Variants in OCA2 observed in about 807,000 individuals in gnomAD.
OCA2 encodes the protein OCA2 melanosomal transmembrane protein, also known as P protein.
A neutral mutation model predicts 100.2 loss-of-function variants in OCA2; 77 were observed. That is an observed-to-expected ratio of 0.77 (90% CI 0.64 to 0.93). OCA2 has a LOEUF of 0.93. Ranked by LOEUF, OCA2 falls within the 40% of genes least tolerant of loss-of-function variation. The pLI is 0.00. For synonymous variants in OCA2, 432 were observed against 439.2 expected, an observed-to-expected ratio of 0.98 and a Z score of 0.21; for missense variants, 1,062 against 1,089.1, an observed-to-expected ratio of 0.98 and a Z score of 0.35.
chr15:27,954,876 G>A (rs540107729), intron 17 of OCA2, among the ~76,000 whole-genome samples: 1 of 152,314 alleles, frequency 6.6e-6, no homozygotes, highest in African/African-American at 2.4e-5. Flanking sequence ...GGAGCGGGCT[G>A]GTGGTCAGGG....
At chr15:27,987,808 C>T (rs1303797154) in intron 11 of OCA2, among the ~76,000 whole-genome samples, 1 of 152,094 alleles carries the variant, frequency 6.6e-6, no homozygotes, top group Non-Finnish European at 1.5e-5. Flanking sequence ...TGTGAATGTT[C>T]TATACTTTGT....
At chr15:28,035,475 C>T (rs2043021096) in intron 2 of OCA2, among the ~76,000 whole-genome samples, 1 of 152,144 alleles carries the variant, frequency 6.6e-6, no homozygotes, top group African/African-American at 2.4e-5. Context: ...CCAGAGAGCT[C>T]ACAGATCACA....
intron 2 of OCA2, among the ~76,000 whole-genome samples, chr15:28,055,289 G>C (rs1003236972): frequency 6.6e-6 from 1 of 152,126 alleles, no homozygotes; most frequent in Non-Finnish European, 1.5e-5. Context: ...CTCGTCTTTC[G>C]TGTTTCTCTT....
At chr15:28,027,732 G>A in intron 4 of OCA2, 139 bp downstream of exon 4, 3 of 872,338 alleles carry the variant, frequency 3.4e-6, no homozygotes, top group South Asian at 1.5e-5. Context: ...AAATCACCTT[G>A]GAGGAAAAGT....
chr15:27,780,464 A>G (rs1202236741), intron 23 of OCA2, among the ~76,000 whole-genome samples: 1 of 152,216 alleles, frequency 6.6e-6, no homozygotes, highest in Non-Finnish European at 1.5e-5. Flanking sequence ...GTCCAAGTGC[A>G]TGGAATTGAT....
At chr15:27,998,837 G>A (rs1290323642) in intron 9 of OCA2, among the ~76,000 whole-genome samples, 1 of 145,644 alleles carries the variant, frequency 6.9e-6, no homozygotes. Flanking sequence ...AAGAAAATGT[G>A]GCACATATAC....
chr15:28,016,098 A>T lies in OCA2; in HGVS notation c.890+6T>A, dbSNP rs1470276363. On this transcript the variant is annotated splice_donor_region_variant and intron_variant, in intron 8 of 23. Transcript: ENST00000354638. ...TGCCCCAACACCTCACTCACTGAGA[A>T]CTCACCTGGTCAGTACCTCAAAGGT... The T allele has an allele frequency of 1.2e-6, 2 of 1,612,662 alleles. No homozygotes were observed. Among genetic ancestry groups the T allele is most frequent in the African/African-American group, 2.7e-5 (2 of 74,864 alleles).
chr15:27,770,394 T>C (rs1051280710), intron 23 of OCA2, among the ~76,000 whole-genome samples: 1 of 152,198 alleles, frequency 6.6e-6, no homozygotes, highest in African/African-American at 2.4e-5. Context: ...TGTGTGGCGC[T>C]GTCCCCGTCT....
chr15:28,060,435 T>C (rs1209506371), intron 2 of OCA2, among the ~76,000 whole-genome samples: 1 of 152,234 alleles, frequency 6.6e-6, no homozygotes, highest in Admixed American at 6.5e-5. Context: ...CTAATCTTCT[T>C]GCACCCTTGT....
chr15:28,068,595 A>C (rs2044096708), intron 2 of OCA2, among the ~76,000 whole-genome samples: 1 of 152,270 alleles, frequency 6.6e-6, no homozygotes, highest in African/African-American at 2.4e-5. Flanking sequence ...CACTCTATTA[A>C]GCCAGCATCA....
chr15:28,020,055 GCTCT>G (rs1489236331), intron 6 of OCA2, among the ~76,000 whole-genome samples: 3 of 151,610 alleles, frequency 2.0e-5, no homozygotes, highest in Non-Finnish European at 2.9e-5. Flanking sequence ...TCTCTCCCAG[GCTCT>G]CTCTCTCCCT....
At chr15:27,743,251 C>T in the OCA2 span, among the ~76,000 whole-genome samples, 1 of 152,188 alleles carries the variant, frequency 6.6e-6, no homozygotes, top group African/African-American at 2.4e-5. Context: ...GCACGCATCC[C>T]AGTCTGCACG....
intron 22 of OCA2, among the ~76,000 whole-genome samples, chr15:27,847,003 G>A (rs1179561465): frequency 6.6e-6 from 1 of 152,090 alleles, no homozygotes; most frequent in Admixed American, 6.5e-5. Flanking sequence ...TCGTGTGGGT[G>A]ACACCAGAGG....
the OCA2 span, among the ~76,000 whole-genome samples, chr15:27,732,263 A>G: frequency 6.6e-6 from 1 of 152,184 alleles, no homozygotes; most frequent in Non-Finnish European, 1.5e-5. Context: ...TCCCTTCTCA[A>G]AGTGGAGGAA....
chr15:28,014,003 G>A (rs1441832018), intron 9 of OCA2, among the ~76,000 whole-genome samples: 1 of 152,054 alleles, frequency 6.6e-6, no homozygotes, highest in East Asian at 1.9e-4. Context: ...CACAAGCAAA[G>A]TTCTGGAACT....
intron 7 of OCA2, among the ~76,000 whole-genome samples, chr15:28,016,489 G>T (rs1191301092): frequency 6.6e-6 from 1 of 152,218 alleles, no homozygotes; most frequent in Non-Finnish European, 1.5e-5. Context: ...ACGAGAAAAA[G>T]AAATCATGCC....
chr15:27,719,466 C>CG, the OCA2 span, among the ~76,000 whole-genome samples: 4 of 152,012 alleles, frequency 2.6e-5, no homozygotes, highest in African/African-American at 9.7e-5. Context: ...TACGAACTTG[C>CG]GGGGGGGACC....
At chr15:27,820,571 A>G (rs1014579309) in intron 23 of OCA2, among the ~76,000 whole-genome samples, 1 of 152,244 alleles carries the variant, frequency 6.6e-6, no homozygotes, top group Non-Finnish European at 1.5e-5. Context: ...AGAAACTGTC[A>G]CAGCTAAGAA....
At chr15:27,838,938 T>C (rs4632082) in intron 23 of OCA2, among the ~76,000 whole-genome samples, 61,315 of 152,030 alleles carry the variant, frequency 0.4, 12,599 homozygotes, top group Middle Eastern at 0.55. Flanking sequence ...GGGCCAATGG[T>C]GAGCATCCAA....
Sources: allele counts gnomAD v4.1 joint callset (sites outside exome capture counted in the v4.1 genomes callset), GRCh38; gene constraint gnomAD v4.1.1; transcripts MANE v1.5; gene names NCBI Gene and HGNC (gene_info 2026-07-23, HGNC 2026-07-21).